ERBB4: variants seen among roughly 807,000 people sequenced by gnomAD.
ERBB4 encodes erb-b2 receptor tyrosine kinase 4, also known as receptor tyrosine-protein kinase erbB-4.
In ERBB4, 42 loss-of-function variants were observed where a neutral mutation model predicts 158.0. The observed-to-expected ratio is 0.27, with a 90% CI of 0.21 to 0.34. The LOEUF (loss-of-function observed/expected upper bound fraction) is 0.34, where lower values mean the gene tolerates loss of function less well. Ranked by LOEUF, ERBB4 falls within the 10% of genes least tolerant of loss-of-function variation. The pLI is 1.00. For missense variants in ERBB4, 1,333 were observed against 1,624.1 expected, an observed-to-expected ratio of 0.82 and a Z score of 3.08; for synonymous variants, 583 against 558.7, an observed-to-expected ratio of 1.04 and a Z score of -0.61.
intron 14 of ERBB4, among the ~76,000 whole-genome samples, chr2:211,669,831 T>C (rs186168828): frequency 1.3e-5 from 2 of 152,322 alleles, no homozygotes; most frequent in East Asian, 1.9e-4. Context: ...AGAACTTCTA[T>C]AGTTGAGTCA....
At chr2:212,310,282 A>G (rs905718451) in intron 1 of ERBB4, among the ~76,000 whole-genome samples, 1 of 150,650 alleles carries the variant, frequency 6.6e-6, no homozygotes, top group African/African-American at 2.4e-5. Context: ...AACACTGTTA[A>G]TTATACTCTA....
intron 3 of ERBB4, among the ~76,000 whole-genome samples, chr2:211,861,011 TATATTTATATATATATAAATATA>T (rs1226378357): frequency 0.37 from 9,191 of 25,152 alleles, 1,882 homozygotes; most frequent in East Asian, 0.55. Flanking sequence ...TATATATTTA[TATATTTATATATATATAAATATA>T]ATATATTTAT....
At chr2:211,887,921 C>T (rs1300834190) in intron 3 of ERBB4, among the ~76,000 whole-genome samples, 1 of 152,150 alleles carries the variant, frequency 6.6e-6, no homozygotes, top group East Asian at 1.9e-4. Flanking sequence ...TTCCAAATGA[C>T]CCTGAATCAA....
At chr2:211,966,242 T>C (rs2081308842) in intron 2 of ERBB4, among the ~76,000 whole-genome samples, 1 of 151,992 alleles carries the variant, frequency 6.6e-6, no homozygotes, top group South Asian at 2.1e-4. Flanking sequence ...TTCAATATTA[T>C]TATTATTATT....
At chr2:212,081,223 T>C (rs1409645267) in intron 2 of ERBB4, among the ~76,000 whole-genome samples, 1 of 152,128 alleles carries the variant, frequency 6.6e-6, no homozygotes, top group Non-Finnish European at 1.5e-5. Flanking sequence ...GGTAGGTGTG[T>C]GGTGTCCCAG....
chr2:211,693,988 G>A (rs2072916782), intron 12 of ERBB4, among the ~76,000 whole-genome samples: 1 of 152,016 alleles, frequency 6.6e-6, no homozygotes, highest in Admixed American at 6.6e-5. Flanking sequence ...GTCTTCACAT[G>A]GCGTTCTCAT....
At chr2:211,987,492 TAAAG>T (rs902642088) in intron 2 of ERBB4, among the ~76,000 whole-genome samples, 1 of 151,742 alleles carries the variant, frequency 6.6e-6, no homozygotes, top group African/African-American at 2.4e-5. Context: ...AAACGAATCT[TAAAG>T]AAAAAAAGGA....
chr2:212,115,681 A>T (rs914323414), intron 2 of ERBB4, among the ~76,000 whole-genome samples: 4 of 151,750 alleles, frequency 2.6e-5, no homozygotes, highest in African/African-American at 9.7e-5. Context: ...ATTTTGTTTC[A>T]TTTTTTTTGT....
chr2:212,435,520 A>G (rs2092118554), intron 1 of ERBB4, among the ~76,000 whole-genome samples: 1 of 151,994 alleles, frequency 6.6e-6, no homozygotes, highest in African/African-American at 2.4e-5. Flanking sequence ...ACTCCTGTTT[A>G]TAAGAAACTA....
intron 25 of ERBB4, among the ~76,000 whole-genome samples, chr2:211,395,933 G>A (rs1180433639): frequency 2.0e-5 from 3 of 151,386 alleles, no homozygotes; most frequent in Non-Finnish European, 4.4e-5. Flanking sequence ...CTCCAGATCT[G>A]TCTATGCAAT....
At chr2:211,793,315 C>T (rs375883369) in intron 3 of ERBB4, among the ~76,000 whole-genome samples, 1 of 151,904 alleles carries the variant, frequency 6.6e-6, no homozygotes, top group South Asian at 2.1e-4. Context: ...TATTTAACCT[C>T]TATCCCTGAT....
intron 1 of ERBB4, among the ~76,000 whole-genome samples, chr2:212,248,538 A>G (rs2084396953): frequency 6.6e-6 from 1 of 151,818 alleles, no homozygotes; most frequent in African/African-American, 2.4e-5. Flanking sequence ...TAACAAAGGC[A>G]TCTACCTATG....
At position 212,495,560 on chromosome 2, in the gene ERBB4, A is replaced by T. The variant is rs75947759; in HGVS notation, c.82+42889T>A. 7.9e-3 allele frequency among the ~76,000 whole-genome samples: 1,201 copies of T among 152,322 alleles called. 17 individuals are homozygous for T. The highest frequency in any genetic ancestry group is 0.028 in the African/African-American group (1,149 of 41,580). On this transcript the variant is annotated intron_variant, in intron 1 of 27. Coordinates refer to ENST00000342788, the MANE Select transcript of ERBB4 (RefSeq NM_005235.3). ...TTGACAAAAAAAGTATATGTAGCTG[A>T]AACTTTTTCAGTTAATAAATACTTG...
intron 1 of ERBB4, among the ~76,000 whole-genome samples, chr2:212,382,870 A>G (rs963118916): frequency 6.6e-6 from 1 of 151,120 alleles, no homozygotes; most frequent in Non-Finnish European, 1.5e-5. Flanking sequence ...TTTTCTGTAC[A>G]TTTTATTTCC....
At position 212,455,029 on chromosome 2, in the gene ERBB4, G is replaced by C. The variant is rs1027487671; in HGVS notation, c.82+83420C>G. Among the ~76,000 whole-genome samples, 3 of 152,110 alleles carry C rather than the reference G, an allele frequency of 2.0e-5. No homozygotes were observed. In the East Asian group the frequency reaches 5.8e-4, roughly 29 times the overall value. On this transcript the variant is annotated intron_variant, in intron 1 of 27. Coordinates refer to ENST00000342788, the MANE Select transcript of ERBB4 (RefSeq NM_005235.3). The stretch of plus-strand genomic sequence containing the variant: ...AGATGTAATATTCATTTAGCATGAC[G>C]AATTTGATCCAAATCAAATAGGTCG...
At chr2:211,580,855 G>GAT (rs1559317425) in intron 19 of ERBB4, among the ~76,000 whole-genome samples, 11 of 13,910 alleles carry the variant, frequency 7.9e-4, no homozygotes, top group African/African-American at 1.2e-3. Flanking sequence ...TATATATATA[G>GAT]TATGCATATA....
Position 212,410,940 on chromosome 2 carries a change from T to G in ERBB4, c.82+127509A>C, listed in dbSNP as rs530023518. 1.4e-3 allele frequency among the ~76,000 whole-genome samples: 220 copies of G among 152,220 alleles called. 2 individuals are homozygous for G. The highest frequency in any genetic ancestry group is 5.1e-3 in the African/African-American group (211 of 41,578). On this transcript the variant is annotated intron_variant, in intron 1 of 27. Coordinates refer to ENST00000342788, the MANE Select transcript of ERBB4 (RefSeq NM_005235.3). ...AATGAACTACAGCTACACTTTTTGA[T>G]ATATGACTTTTTAAAAACTAGGTAA...
intron 1 of ERBB4, among the ~76,000 whole-genome samples, chr2:212,435,842 A>C (rs1227063146): frequency 6.6e-6 from 1 of 151,934 alleles, no homozygotes; most frequent in African/African-American, 2.4e-5. Flanking sequence ...AGCTTTTAAA[A>C]ATTATATTTT....
chr2:211,758,420 T>G (rs1173509422), intron 4 of ERBB4, among the ~76,000 whole-genome samples: 2 of 152,178 alleles, frequency 1.3e-5, no homozygotes, highest in Non-Finnish European at 2.9e-5. Flanking sequence ...CCTAAAAGAC[T>G]AAAAGCTTTT....
Sources: allele counts gnomAD v4.1 joint callset (sites outside exome capture counted in the v4.1 genomes callset), GRCh38; gene constraint gnomAD v4.1.1; transcripts MANE v1.5; gene names NCBI Gene and HGNC (gene_info 2026-07-23, HGNC 2026-07-21).